The following TAF1B variants were observed in gnomAD, a reference collection of about 807,000 sequenced individuals.
TAF1B encodes the protein TATA-box binding protein associated factor, RNA polymerase I subunit B.
Under a neutral mutation model 83.9 loss-of-function variants are expected in TAF1B, and 61 were observed. That is an observed-to-expected ratio of 0.73 (90% CI 0.59 to 0.90). The LOEUF is 0.90. Ranked by LOEUF, TAF1B falls within the 40% of genes least tolerant of loss-of-function variation. The probability of loss-of-function intolerance (pLI) is 0.00; values close to 1 mark genes in which losing one functional copy is unlikely to be tolerated. For synonymous variants in TAF1B, 221 were observed against 224.6 expected (o/e 0.98, Z 0.14); for missense variants, 625 against 677.0 (o/e 0.92, Z 0.85).
At chr2:9,878,050 A>G (rs763411880) in intron 7 of TAF1B, among the ~76,000 whole-genome samples, 2 of 152,116 alleles carry the variant, frequency 1.3e-5, no homozygotes, top group Admixed American at 1.3e-4. Flanking sequence ...AAAGAGCTCT[A>G]AGTCATAAGT....
At chr2:9,866,613 G>A (rs1219986672) in intron 5 of TAF1B, among the ~76,000 whole-genome samples, 1 of 152,160 alleles carries the variant, frequency 6.6e-6, no homozygotes, top group Admixed American at 6.5e-5. Context: ...TATAAGTCAT[G>A]CTGCTATAAA....
chr2:9,922,538 A>G (rs1169493272), intron 14 of TAF1B, among the ~76,000 whole-genome samples: 1 of 152,066 alleles, frequency 6.6e-6, no homozygotes, highest in East Asian at 1.9e-4. Context: ...CATCCTGCCT[A>G]AAATAGCACC....
chr2:9,846,106 A>G lies in TAF1B; in HGVS notation c.117+788A>G, dbSNP rs554217699. On this transcript the variant is annotated intron_variant, in intron 2 of 14. Transcript: ENST00000263663. ...GGATCCATTATCTCATTTCCTCCTC[A>G]TCACTAACTGTGAGAGCCTATTGAT... is the stretch of plus-strand genomic sequence containing the variant. 9.8e-4 allele frequency: 463 copies of G among 471,042 alleles called. 3 individuals carry two copies. Among genetic ancestry groups the G allele is most frequent in the African/African-American group, 8.9e-3 (445 of 50,194 alleles). 29.2% of individuals were successfully genotyped at this position (471,042 alleles called of 1,614,324 possible). A position where few individuals can be genotyped will look rare whatever the true frequency, so the allele number is the denominator to read the frequency against.
intron 3 of TAF1B, among the ~76,000 whole-genome samples, chr2:9,851,107 T>TA (rs1384514100): frequency 6.6e-6 from 1 of 152,230 alleles, no homozygotes; most frequent in Non-Finnish European, 1.5e-5. Context: ...AGCAGTGACT[T>TA]AGTCCTTTCA....
chr2:9,904,301 C>T (rs1665278015), intron 8 of TAF1B, among the ~76,000 whole-genome samples: 1 of 152,118 alleles, frequency 6.6e-6, no homozygotes. Flanking sequence ...TTGTTCCCTT[C>T]TTTGTGTGCC....
chr2:9,892,415 A>G (rs1664898455), intron 8 of TAF1B, among the ~76,000 whole-genome samples: 1 of 152,118 alleles, frequency 6.6e-6, no homozygotes, highest in Non-Finnish European at 1.5e-5. Context: ...TGTGCGGTAG[A>G]TCTCAAAACT....
At chr2:9,895,986 T>G (rs1260480363) in intron 8 of TAF1B, among the ~76,000 whole-genome samples, 1 of 152,200 alleles carries the variant, frequency 6.6e-6, no homozygotes, top group Non-Finnish European at 1.5e-5. Flanking sequence ...GTAATATTTG[T>G]GAAATTCAAT....
chr2:9,929,661 TCTG>T (rs1666153175), intron 14 of TAF1B, among the ~76,000 whole-genome samples: 1 of 152,224 alleles, frequency 6.6e-6, no homozygotes, highest in East Asian at 1.9e-4. Context: ...TTGTTGTGTC[TCTG>T]CCAGGCTTTG....
intron 5 of TAF1B, among the ~76,000 whole-genome samples, chr2:9,857,999 A>G (rs1216398028): frequency 2.0e-5 from 3 of 152,204 alleles, no homozygotes; most frequent in Non-Finnish European, 4.4e-5. Context: ...TGCAAAATCA[A>G]TCATGCCTTC....
chr2:9,843,451 T>C (rs936948458), upstream of TAF1B: 1 of 1,320,358 alleles, frequency 7.6e-7, no homozygotes, highest in East Asian at 3.2e-5. Flanking sequence ...GATCTCGCGT[T>C]TCCGGCCGGA....
At chr2:9,907,602 T>C (rs1665385082) in intron 9 of TAF1B, among the ~76,000 whole-genome samples, 1 of 152,154 alleles carries the variant, frequency 6.6e-6, no homozygotes, top group Non-Finnish European at 1.5e-5. Context: ...TTGATGGCCA[T>C]GAATGAGCTC....
At chr2:9,931,141 T>C (rs546969055) in intron 14 of TAF1B, among the ~76,000 whole-genome samples, 2 of 152,376 alleles carry the variant, frequency 1.3e-5, no homozygotes, top group East Asian at 3.9e-4. Flanking sequence ...TCTGTGTCTT[T>C]TAATTGGGGC....
chr2:9,843,792 G>A, intron 1 of TAF1B: 1 of 495,692 alleles, frequency 2.0e-6, no homozygotes, highest in Middle Eastern at 5.3e-4. Flanking sequence ...GGGAGGGAGG[G>A]TGTGGTGTTT....
chr2:9,844,615 A>T (rs894653464), intron 1 of TAF1B: 1 of 152,298 alleles, frequency 6.6e-6, no homozygotes, highest in African/African-American at 2.4e-5. Flanking sequence ...TTTACTGATG[A>T]TGGTTGGCTA....
At chr2:9,904,712 T>A in intron 8 of TAF1B, 147 bp from the exon 9 acceptor site, 1 of 727,956 alleles carries the variant, frequency 1.4e-6, no homozygotes, top group Non-Finnish European at 2.2e-6. Context: ...CTGCCAGCAG[T>A]GCATAAGTGT....
intron 5 of TAF1B, among the ~76,000 whole-genome samples, chr2:9,863,874 A>AG (rs1170541041): frequency 2.6e-5 from 4 of 152,250 alleles, no homozygotes; most frequent in South Asian, 2.1e-4. Context: ...ATGAAGGCAG[A>AG]AATAAAGATG....
intron 14 of TAF1B, among the ~76,000 whole-genome samples, chr2:9,924,328 G>C (rs553791228): frequency 6.6e-6 from 1 of 152,186 alleles, no homozygotes; most frequent in Non-Finnish European, 1.5e-5. Context: ...AGGCTGAGTT[G>C]TCTGATTTCC....
At chr2:9,924,685 G>A (rs185184599) in intron 14 of TAF1B, among the ~76,000 whole-genome samples, 1 of 152,188 alleles carries the variant, frequency 6.6e-6, no homozygotes, top group Non-Finnish European at 1.5e-5. Context: ...GACAACCATT[G>A]AAAATGATTA....
At chr2:9,896,954 A>G (rs1295528139) in intron 8 of TAF1B, among the ~76,000 whole-genome samples, 1 of 152,190 alleles carries the variant, frequency 6.6e-6, no homozygotes, top group Non-Finnish European at 1.5e-5. Context: ...TCCTGAGCCC[A>G]AGTAGATAGC....
Sources: gnomAD v4.1 joint callset for allele counts (sites outside exome capture counted in the v4.1 genomes callset) on GRCh38, gnomAD v4.1.1 for gene constraint, MANE v1.5 for transcripts, NCBI Gene and HGNC (gene_info 2026-07-23, HGNC 2026-07-21) for gene names.